The following BTBD9 variants were observed in gnomAD, a reference collection of about 807,000 sequenced individuals.
BTBD9 encodes the protein BTB/POZ domain-containing protein 9.
A neutral mutation model predicts 64.3 loss-of-function variants in BTBD9; 49 were observed. The observed-to-expected ratio is 0.76, with a 90% CI of 0.61 to 0.97. BTBD9 has a LOEUF of 0.97. Among genes scored for constraint, BTBD9 ranks in the 50% least tolerant of loss-of-function variants. The pLI is 0.00. For missense variants in BTBD9, 598 were observed against 762.1 expected (o/e 0.78, Z 2.53); for synonymous variants, 260 against 274.7 (o/e 0.95, Z 0.53).
intron 4 of BTBD9, among the ~76,000 whole-genome samples, chr6:38,591,440 A>T (rs779275393): frequency 2.7e-4 from 41 of 152,026 alleles, no homozygotes; most frequent in Non-Finnish European, 4.7e-4. Flanking sequence ...TATAACATGT[A>T]CTCCCTTGAA....
At chr6:38,551,153 C>G (rs756646821) in intron 6 of BTBD9, among the ~76,000 whole-genome samples, 2 of 152,186 alleles carry the variant, frequency 1.3e-5, no homozygotes, top group Non-Finnish European at 2.9e-5. Flanking sequence ...CTCTCTCTCC[C>G]CAGTAGAACA....
At chr6:38,457,532 A>G (rs1464972446) in intron 6 of BTBD9, among the ~76,000 whole-genome samples, 1 of 152,118 alleles carries the variant, frequency 6.6e-6, no homozygotes, top group Non-Finnish European at 1.5e-5. Flanking sequence ...CTTGGGGACT[A>G]AAAAATAGGA....
intron 6 of BTBD9, among the ~76,000 whole-genome samples, chr6:38,498,168 A>G (rs1772038367): frequency 6.6e-6 from 1 of 152,224 alleles, no homozygotes; most frequent in South Asian, 2.1e-4. Context: ...TTACTGTACA[A>G]ATTCAGCTGC....
chr6:38,331,137 A>G (rs1375550621), intron 7 of BTBD9, among the ~76,000 whole-genome samples: 1 of 152,232 alleles, frequency 6.6e-6, no homozygotes, highest in Non-Finnish European at 1.5e-5. Context: ...TTTGCAATGT[A>G]TATAAAAGGC....
intron 1 of BTBD9, among the ~76,000 whole-genome samples, chr6:38,616,502 C>T (rs190180898): frequency 1.2e-4 from 19 of 152,136 alleles, no homozygotes; most frequent in African/African-American, 4.1e-4. Flanking sequence ...CTAATAGTCC[C>T]AGCTACTCGG....
intron 9 of BTBD9, among the ~76,000 whole-genome samples, chr6:38,226,847 CA>C (rs1763411279): frequency 6.6e-6 from 1 of 152,240 alleles, no homozygotes; most frequent in Admixed American, 6.5e-5. Context: ...CAATTAACTA[CA>C]GTCTCTCACA....
intron 6 of BTBD9, among the ~76,000 whole-genome samples, chr6:38,539,511 T>C (rs1470953278): frequency 1.3e-5 from 2 of 152,230 alleles, no homozygotes; most frequent in Non-Finnish European, 2.9e-5. Context: ...TCAAGAATTA[T>C]ATTGTGCCAC....
chr6:38,226,548 G>A (rs1326801732), intron 9 of BTBD9, among the ~76,000 whole-genome samples: 1 of 152,210 alleles, frequency 6.6e-6, no homozygotes, highest in Non-Finnish European at 1.5e-5. Context: ...AGATGAGTCT[G>A]GCTGTTCTGC....
intron 6 of BTBD9, among the ~76,000 whole-genome samples, chr6:38,564,623 T>A (rs1775401432): frequency 6.6e-6 from 1 of 152,158 alleles, no homozygotes; most frequent in African/African-American, 2.4e-5. Flanking sequence ...GCACGGTGAC[T>A]CACGCCTGTA....
At chr6:38,295,801 C>A (rs201040535) in intron 7 of BTBD9, among the ~76,000 whole-genome samples, 50 of 152,226 alleles carry the variant, frequency 3.3e-4, no homozygotes, top group East Asian at 1.5e-3. Context: ...ATAATCCCAG[C>A]TCTTTGGGAG....
At chr6:38,371,764 T>TA (rs1765438876) in intron 6 of BTBD9, among the ~76,000 whole-genome samples, 1 of 152,172 alleles carries the variant, frequency 6.6e-6, no homozygotes, top group African/African-American at 2.4e-5. Flanking sequence ...CATGGACCCA[T>TA]AGTGAGTCCA....
At chr6:38,370,153 C>T (rs1765358166) in intron 6 of BTBD9, among the ~76,000 whole-genome samples, 1 of 152,198 alleles carries the variant, frequency 6.6e-6, no homozygotes, top group Non-Finnish European at 1.5e-5. Flanking sequence ...TAAGGGACTT[C>T]ATTATGTCAG....
chr6:38,598,079 G>C lies in BTBD9; in HGVS notation c.16C>G (p.Pro6Ala). Reference protein sequence around the residue: MSNSHPLRPFTAVGEI... With the variant: MSNSHALRPFTAVGEI... ...CCCACTGCAGTAAAGGGGCGAAGAG[G>C]GTGGCTGTTACTCATCTTGTGGAAT... Residue 6 changes from proline (P) to alanine (A), a missense_variant, in exon 2 of 11, where the codon CCT becomes GCT. Transcript: ENST00000481247. 6.2e-7 allele frequency: 1 copy of C among 1,613,094 alleles called. No homozygotes were observed. Among genetic ancestry groups the C allele is most frequent in the South Asian group, 1.1e-5 (1 of 90,812 alleles).
chr6:38,248,156 G>A (rs1764274137), intron 9 of BTBD9, among the ~76,000 whole-genome samples: 1 of 151,848 alleles, frequency 6.6e-6, no homozygotes, highest in Non-Finnish European at 1.5e-5. Flanking sequence ...AAAATCTTAG[G>A]TATTTCCTTA....
intron 9 of BTBD9, among the ~76,000 whole-genome samples, chr6:38,197,201 A>G (rs1762296651): frequency 6.6e-6 from 1 of 152,204 alleles, no homozygotes; most frequent in Non-Finnish European, 1.5e-5. Flanking sequence ...GGTTCCCAAC[A>G]CAATCTTTTG....
intron 6 of BTBD9, among the ~76,000 whole-genome samples, chr6:38,531,856 G>C (rs946777946): frequency 6.6e-6 from 1 of 152,118 alleles, no homozygotes; most frequent in East Asian, 1.9e-4. Context: ...ACAACAGGGA[G>C]AGGCAGGGAG....
At chr6:38,495,941 T>C (rs929833371) in intron 6 of BTBD9, among the ~76,000 whole-genome samples, 6 of 152,226 alleles carry the variant, frequency 3.9e-5, no homozygotes, top group African/African-American at 2.4e-5. Context: ...AGAAATGGTA[T>C]GGGAGTCATA....
At chr6:38,280,981 T>C (rs1191312594) in intron 8 of BTBD9, among the ~76,000 whole-genome samples, 1 of 152,160 alleles carries the variant, frequency 6.6e-6, no homozygotes, top group African/African-American at 2.4e-5. Flanking sequence ...CATCACAACA[T>C]TAAAAAATCA....
At chr6:38,320,134 G>A (rs4714146) in intron 7 of BTBD9, among the ~76,000 whole-genome samples, 10,989 of 152,256 alleles carry the variant, frequency 0.072, 529 homozygotes, top group Admixed American at 0.13. Context: ...TCTCCATGCC[G>A]TGTGGCTACT....
Sources: gnomAD v4.1 joint callset for allele counts (sites outside exome capture counted in the v4.1 genomes callset) on GRCh38, gnomAD v4.1.1 for gene constraint, MANE v1.5 for transcripts, NCBI Gene and HGNC (gene_info 2026-07-23, HGNC 2026-07-21) for gene names.